KCNK9: variants seen among roughly 807,000 people sequenced by gnomAD.
KCNK9 encodes potassium channel subfamily K member 9.
A neutral mutation model predicts 10.8 loss-of-function variants in KCNK9; 1 was observed. The observed-to-expected ratio is 0.09, with a 90% CI of 0.03 to 0.44. KCNK9 has a LOEUF of 0.44. Ranked by LOEUF, KCNK9 falls within the 20% of genes least tolerant of loss-of-function variation. The pLI, the probability that KCNK9 is intolerant of heterozygous loss-of-function variation, is 0.97. For synonymous variants in KCNK9, 231 were observed against 222.7 expected (o/e 1.04, Z -0.33); for missense variants, 303 against 515.0 (o/e 0.59, Z 3.98).
In KCNK9 at chr8:139,618,079, C is replaced by A; in HGVS notation, c.*179G>T. On this transcript the variant is annotated 3_prime_UTR_variant, in exon 2 of 2. Transcript: ENST00000520439. This position sits in a 1 kb window ranked among gnomAD's most constrained non-coding sequence, Gnocchi z 7.9. The stretch of plus-strand genomic sequence containing the variant: ...TGGGCCTGTATTTCCCTTTGGCCTG[C>A]TCTGTCTGGCTGGAAAGGTGGGGGA... 1.2e-6 allele frequency: 1 copy of A among 806,758 alleles called. No homozygotes were observed. Among genetic ancestry groups the A allele is most frequent in the Non-Finnish European group, 1.9e-6 (1 of 517,808 alleles). The allele number at this position is 806,758 out of a possible 1,614,324, so 50.0% of individuals were successfully genotyped here.
At chr8:139,609,674 G>A (rs1814359854), downstream of KCNK9, among the ~76,000 whole-genome samples, 1 of 152,216 alleles carries the variant, frequency 6.6e-6, no homozygotes, top group Non-Finnish European at 1.5e-5. Flanking sequence ...GACGGGAGGT[G>A]AGCCTACCAA....
At chr8:139,609,241 CCCCCA>C (rs1460859663), downstream of KCNK9, among the ~76,000 whole-genome samples, 58 of 78,782 alleles carry the variant, frequency 7.4e-4, 2 homozygotes, top group African/African-American at 3.4e-3. Flanking sequence ...GTGCTCTGCC[CCCCCA>C]CCCCCCCCCC....
chr8:139,665,178 T>C (rs774596291), intron 1 of KCNK9, among the ~76,000 whole-genome samples: 8 of 152,178 alleles, frequency 5.3e-5, no homozygotes, highest in Non-Finnish European at 1.2e-4. Context: ...AAGCTAAAAA[T>C]CAAGGGGTCG....
intron 1 of KCNK9, among the ~76,000 whole-genome samples, chr8:139,687,634 A>ACATATATATT (rs1816844302): frequency 2.9e-5 from 1 of 34,764 alleles, no homozygotes; most frequent in African/African-American, 7.8e-5. Context: ...TCATATGTAT[A>ACATATATATT]CATATGTATA....
chr8:139,609,555 G>A (rs897165345), downstream of KCNK9, among the ~76,000 whole-genome samples: 1 of 152,206 alleles, frequency 6.6e-6, no homozygotes, highest in Admixed American at 6.5e-5. Context: ...TCACCAGGAA[G>A]GGTGAGCTCC....
At chr8:139,615,159 G>A (rs1814542618), downstream of KCNK9, among the ~76,000 whole-genome samples, 1 of 152,206 alleles carries the variant, frequency 6.6e-6, no homozygotes, top group Non-Finnish European at 1.5e-5. Flanking sequence ...TCTTCAGAAG[G>A]CTGTAAATAG....
In KCNK9 at chr8:139,618,654, G is replaced by C. The variant is rs1466301912; in HGVS notation, c.729C>G (p.Val243=). The C allele has an allele frequency of 1.2e-6, 2 of 1,614,216 alleles. No individual in the cohort carries two copies. Among genetic ancestry groups the C allele is most frequent in the African/African-American group, 2.7e-5 (2 of 75,060 alleles). The change falls in exon 2 of 2, where the codon GTC becomes GTG. Residue 243 remains valine, a synonymous_variant. Coordinates refer to ENST00000520439, the MANE Select transcript of KCNK9 (RefSeq NM_001282534.2). This position sits in a 1 kb window ranked among gnomAD's most constrained non-coding sequence, Gnocchi z 7.9. ...CACTGTTCATGGTCAAGAACCTGAGGACGACCAGGTTGAGGAAGGCCCCGA... is the reference window on the plus strand; with the variant it reads ...CACTGTTCATGGTCAAGAACCTGAGCACGACCAGGTTGAGGAAGGCCCCGA... ...TVIGAFLNLV[V]LRFLTMNSED...
intron 1 of KCNK9, among the ~76,000 whole-genome samples, chr8:139,623,141 T>C (rs534934359): frequency 6.6e-6 from 1 of 152,240 alleles, no homozygotes. Context: ...ATAAAGAACA[T>C]AGAAAATGCA....
chr8:139,667,407 G>A (rs1033781942), intron 1 of KCNK9, among the ~76,000 whole-genome samples: 2 of 151,998 alleles, frequency 1.3e-5, no homozygotes, highest in Admixed American at 6.6e-5. Flanking sequence ...GCATAAAAAC[G>A]GTCCCCACAG....
chr8:139,602,534 G>T (rs1321239701), intron 2 of KCNK9, among the ~76,000 whole-genome samples: 1 of 152,168 alleles, frequency 6.6e-6, no homozygotes, highest in Non-Finnish European at 1.5e-5. Flanking sequence ...GATGCTCTGA[G>T]AATTACCAGA....
chr8:139,632,022 C>T (rs1235032317), intron 1 of KCNK9, among the ~76,000 whole-genome samples: 1 of 152,146 alleles, frequency 6.6e-6, no homozygotes, highest in Non-Finnish European at 1.5e-5. Context: ...CAAACCAGAC[C>T]AGATGAGAAC....
At chr8:139,610,660 T>C (rs1019677885), downstream of KCNK9, among the ~76,000 whole-genome samples, 1 of 152,170 alleles carries the variant, frequency 6.6e-6, no homozygotes, top group Non-Finnish European at 1.5e-5. Flanking sequence ...TAGAATTTTA[T>C]TATGGGGGGA....
chr8:139,629,734 T>TCCTGCTGTGTCCCCA (rs1217384431), intron 1 of KCNK9, among the ~76,000 whole-genome samples: 7 of 152,114 alleles, frequency 4.6e-5, no homozygotes, highest in African/African-American at 1.7e-4. Flanking sequence ...GGGGCCACCT[T>TCCTGCTGTGTCCCCA]CCTGCTGTGT....
intron 1 of KCNK9, among the ~76,000 whole-genome samples, chr8:139,695,942 G>T (rs1186834099): frequency 6.6e-6 from 1 of 152,130 alleles, no homozygotes. Context: ...GTAGCATACT[G>T]TCCCCACTCC....
chr8:139,644,578 C>T (rs1036980927), intron 1 of KCNK9, among the ~76,000 whole-genome samples: 2 of 152,168 alleles, frequency 1.3e-5, no homozygotes, highest in African/African-American at 4.8e-5. Flanking sequence ...TCACTTCTTC[C>T]AATTCAGAGA....
intron 1 of KCNK9, among the ~76,000 whole-genome samples, chr8:139,655,874 G>A (rs1200758749): frequency 6.6e-6 from 1 of 152,190 alleles, no homozygotes; most frequent in South Asian, 2.1e-4. Context: ...GCGAGGGGGA[G>A]ACAGAGCGAT....
At position 139,618,620 on chromosome 8, in the gene KCNK9, G is replaced by T. The variant is rs753634595; in HGVS notation, c.763C>A (p.Arg255=). The T allele has an allele frequency of 6.2e-7, 1 of 1,614,114 alleles. No homozygotes were observed. The highest frequency in any genetic ancestry group is 1.1e-5 in the South Asian group (1 of 91,084). ...GATGCCCTCTCTTCAGCATCCCGCC[G>T]CTCATCCTCACTGTTCATGGTCAAG... ...RFLTMNSEDE[R]RDAEERASLA... The change falls in exon 2 of 2, where the codon CGG becomes AGG. Residue 255 remains arginine, a synonymous_variant. Transcript: ENST00000520439. The surrounding 1 kb of genome is among the most constrained non-coding windows in gnomAD (Gnocchi z 7.9).
intron 1 of KCNK9, among the ~76,000 whole-genome samples, chr8:139,673,183 G>A (rs1242267306): frequency 6.6e-6 from 1 of 152,120 alleles, no homozygotes; most frequent in African/African-American, 2.4e-5. Flanking sequence ...TAGGTTAGTG[G>A]TGGCATAGGC....
At chr8:139,695,579 C>A (rs184471085) in intron 1 of KCNK9, among the ~76,000 whole-genome samples, 1 of 152,262 alleles carries the variant, frequency 6.6e-6, no homozygotes, top group Non-Finnish European at 1.5e-5. Flanking sequence ...GGAAAAGAGA[C>A]CCTCAAAACA....
Sources: gnomAD v4.1 joint callset for allele counts (sites outside exome capture counted in the v4.1 genomes callset) on GRCh38, gnomAD v4.1.1 for gene constraint, Gnocchi (gnomAD v3.1) non-coding constraint, MANE v1.5 for transcripts, NCBI Gene and HGNC (gene_info 2026-07-23, HGNC 2026-07-21) for gene names.